FRMPD4: variants seen among roughly 807,000 people sequenced by gnomAD.
FRMPD4 encodes the protein FERM and PDZ domain-containing protein 4.
A neutral mutation model predicts 94.1 loss-of-function variants in FRMPD4; 22 were observed. The observed-to-expected ratio is 0.23, with a 90% CI of 0.17 to 0.33. FRMPD4 has a LOEUF of 0.33. Among genes scored for constraint, FRMPD4 ranks in the 10% least tolerant of loss-of-function variants. FRMPD4 has a pLI of 1.00. For missense variants in FRMPD4, 1,111 were observed against 1,339.9 expected (o/e 0.83, Z 2.67); for synonymous variants, 631 against 548.6 (o/e 1.15, Z -2.10).
chrX:11,985,070 C>T (rs1363499871), intron 3 of FRMPD4, among the ~76,000 whole-genome samples: 1 of 112,016 alleles, frequency 8.9e-6, no homozygotes, highest in East Asian at 2.8e-4. Flanking sequence ...ACAGTAGCCT[C>T]CACTGATTGT....
chrX:12,722,815 C>T lies in FRMPD4; in HGVS notation c.*957C>T, dbSNP rs2042265184. ...GTATTTGCAAACTTAAAAAAAGGAA[C>T]ATTTAATGATCATCAAAATTAAGTA... On this transcript the variant is annotated 3_prime_UTR_variant, in exon 17 of 17. Coordinates refer to ENST00000675598, the MANE Select transcript of FRMPD4 (RefSeq NM_001368397.1). 1 of 111,508 alleles carries T rather than the reference C, an allele frequency of 9.0e-6. No individual in the cohort carries two copies. The highest frequency in any genetic ancestry group is 9.5e-5 in the Admixed American group (1 of 10,473). The allele number at this position is 111,508 out of a possible 1,213,427, so 9.2% of individuals were successfully genotyped here. A position where few individuals can be genotyped will look rare whatever the true frequency, so the allele number is the denominator to read the frequency against.
At chrX:12,164,795 G>A (rs1425274950) in intron 1 of FRMPD4, among the ~76,000 whole-genome samples, 2 of 112,481 alleles carry the variant, frequency 1.8e-5, no homozygotes, top group African/African-American at 6.5e-5. Context: ...TTCTCTGATG[G>A]CCAGTGATGA....
At chrX:12,150,134 T>C (rs1432942875) in intron 1 of FRMPD4, among the ~76,000 whole-genome samples, 2 of 112,646 alleles carry the variant, frequency 1.8e-5, no homozygotes, top group African/African-American at 6.4e-5. Flanking sequence ...AATATTAGCT[T>C]TATTGCAGTA....
Position 12,193,817 on chromosome X carries a change from AGGAAGGAAGGAGG to A in FRMPD4, c.41+54807_41+54819del, listed in dbSNP as rs2056528863. Among the ~76,000 whole-genome samples the A allele has an allele frequency of 2.7e-4, 9 of 33,199 alleles. 2 individuals carry two copies. Among genetic ancestry groups the A allele is most frequent in the African/African-American group, 8.9e-4 (5 of 5,602 alleles). The allele number at this position is 33,199 out of a possible 115,157, so 28.8% of individuals were successfully genotyped here. A position where few individuals can be genotyped will look rare whatever the true frequency, so the allele number is the denominator to read the frequency against. ...AAGGAAGGAAGGAAGGAAGGAAGGAAGGAAGGAAGGAGGGAAGGAAGAAAGAAAAGAAAGAAAA... is the reference window on the plus strand; with the variant it reads ...AAGGAAGGAAGGAAGGAAGGAAGGAAGAAGGAAGAAAGAAAAGAAAGAAAA... On this transcript the variant is annotated intron_variant, in intron 1 of 16. Transcript: ENST00000675598.
intron 3 of FRMPD4, among the ~76,000 whole-genome samples, chrX:11,974,516 C>G (rs959864284): frequency 8.9e-6 from 1 of 111,872 alleles, no homozygotes; most frequent in African/African-American, 3.3e-5. Flanking sequence ...ATTACCCAGC[C>G]TCAGCTATTC....
At chrX:12,720,050 GAAAGAAAGAAAGA>G (rs1569078439) in intron 16 of FRMPD4, among the ~76,000 whole-genome samples, 1 of 10,023 alleles carries the variant, frequency 1.0e-4, no homozygotes, top group Non-Finnish European at 2.6e-4. Flanking sequence ...GAAAGGAAAG[GAAAGAAAGAAAGA>G]AAGAAAGAAA....
intron 3 of FRMPD4, among the ~76,000 whole-genome samples, chrX:11,943,360 A>C (rs956031677): frequency 9.0e-6 from 1 of 111,422 alleles, no homozygotes; most frequent in African/African-American, 3.3e-5. Flanking sequence ...CATTTACTCC[A>C]TACTATTTAT....
At chrX:11,930,107 CAAAAAAAAAA>C (rs55973946) in intron 3 of FRMPD4, among the ~76,000 whole-genome samples, 66 of 13,255 alleles carry the variant, frequency 5.0e-3, no homozygotes, top group African/African-American at 0.017. Context: ...GACTCTGTCT[CAAAAAAAAAA>C]AAAAAAAAAA....
intron 1 of FRMPD4, among the ~76,000 whole-genome samples, chrX:12,252,540 C>T (rs1018717121): frequency 1.8e-5 from 2 of 111,925 alleles, no homozygotes; most frequent in Non-Finnish European, 3.8e-5. Context: ...ATTCTTCTAC[C>T]TTATCTAGAG....
At chrX:12,677,814 G>A (rs751356832) in intron 5 of FRMPD4, among the ~76,000 whole-genome samples, 1 of 111,567 alleles carries the variant, frequency 9.0e-6, no homozygotes, top group East Asian at 2.8e-4. Flanking sequence ...GGGGAATGGG[G>A]GTGAGAGTCT....
At chrX:12,134,779 CTAAA>C (rs1292055376), upstream of FRMPD4, among the ~76,000 whole-genome samples, 1 of 110,180 alleles carries the variant, frequency 9.1e-6, no homozygotes, top group Non-Finnish European at 1.9e-5. Flanking sequence ...GTTGGGCCTC[CTAAA>C]TAGTCATCTT....
chrX:12,694,292 G>A, intron 8 of FRMPD4, 43 bp from the exon 9 acceptor site: 4 of 1,150,783 alleles, frequency 3.5e-6, no homozygotes, highest in Non-Finnish European at 4.7e-6. Context: ...CCATTTCTCA[G>A]TCAGCACTGA....
intron 1 of FRMPD4, among the ~76,000 whole-genome samples, chrX:12,448,086 T>C (rs1048795940): frequency 2.7e-5 from 3 of 111,818 alleles, no homozygotes; most frequent in Admixed American, 9.5e-5. Context: ...TGCTTGAATC[T>C]TTTTAGAATC....
chrX:11,952,421 C>G (rs1351961494), intron 3 of FRMPD4, among the ~76,000 whole-genome samples: 1 of 112,018 alleles, frequency 8.9e-6, no homozygotes, highest in Non-Finnish European at 1.9e-5. Context: ...TCAGAGGAAC[C>G]TCCTCCTTAA....
intron 1 of FRMPD4, among the ~76,000 whole-genome samples, chrX:12,235,107 C>T (rs1341728039): frequency 1.8e-5 from 2 of 111,847 alleles, no homozygotes; most frequent in East Asian, 5.5e-4. Context: ...TATTGCCATC[C>T]TATCAACATA....
chrX:12,084,317 T>C (rs2055089443), intron 3 of FRMPD4, among the ~76,000 whole-genome samples: 1 of 111,249 alleles, frequency 9.0e-6, no homozygotes, highest in East Asian at 2.8e-4. Flanking sequence ...GCTGCCACCA[T>C]GTAAGAAGTG....
At chrX:12,664,698 C>G (rs149543784) in intron 4 of FRMPD4, among the ~76,000 whole-genome samples, 1,448 of 111,788 alleles carry the variant, frequency 0.013, 30 homozygotes, top group African/African-American at 0.043. Context: ...GTTTTGGTAT[C>G]AGGACGATGC....
intron 3 of FRMPD4, among the ~76,000 whole-genome samples, chrX:11,962,103 T>A (rs1221410591): frequency 8.9e-6 from 1 of 112,636 alleles, no homozygotes; most frequent in Non-Finnish European, 1.9e-5. Flanking sequence ...ATAAAGCTGC[T>A]GTCCTAGTCC....
intron 2 of FRMPD4, among the ~76,000 whole-genome samples, chrX:11,870,408 T>A (rs2053749517): frequency 9.0e-6 from 1 of 111,722 alleles, no homozygotes; most frequent in Non-Finnish European, 1.9e-5. Context: ...TTATATGGGA[T>A]GTTGATGTGG....
Sources: gnomAD v4.1 joint callset for allele counts (sites outside exome capture counted in the v4.1 genomes callset) on GRCh38, gnomAD v4.1.1 for gene constraint, MANE v1.5 for transcripts, NCBI Gene and HGNC (gene_info 2026-07-23, HGNC 2026-07-21) for gene names.